The following SLC25A20 variants were observed in gnomAD, a reference collection of about 807,000 sequenced individuals.
SLC25A20 encodes mitochondrial carnitine/acylcarnitine carrier protein.
Under a neutral mutation model 39.7 loss-of-function variants are expected in SLC25A20, and 29 were observed. That is an observed-to-expected ratio of 0.73 (90% CI 0.54 to 1.00). SLC25A20 has a LOEUF of 1.00. Among genes scored for constraint, SLC25A20 ranks in the 50% least tolerant of loss-of-function variants. SLC25A20 has a pLI of 0.00. For synonymous variants in SLC25A20, 103 were observed against 142.2 expected (o/e 0.72, Z 1.96); for missense variants, 333 against 379.9 (o/e 0.88, Z 1.03).
In SLC25A20 at chr3:48,861,254, G is replaced by A. The variant is rs888987578; in HGVS notation, c.535+1288C>T. ...ATTACAAGTGTGAGCCACCATACCC[G>A]GCCCCCACAGATTTCTTGAATGTAG... On this transcript the variant is annotated intron_variant, in intron 5 of 8. Transcript: ENST00000319017. Among the ~76,000 whole-genome samples, 13 of 151,980 alleles carry A rather than the reference G, an allele frequency of 8.6e-5. 1 individual carries two copies. Among genetic ancestry groups the A allele is most frequent in the Non-Finnish European group, 4.4e-5 (3 of 68,008 alleles).
intron 7 of SLC25A20, 71 bp from the exon 8 acceptor site, chr3:48,858,702 A>G: frequency 6.3e-7 from 1 of 1,598,634 alleles, no homozygotes. Flanking sequence ...CTGAAGGGTC[A>G]GGACTAGCAC....
chr3:48,884,673 AC>A (rs983530499), intron 2 of SLC25A20, among the ~76,000 whole-genome samples: 51 of 152,160 alleles, frequency 3.4e-4, no homozygotes, highest in African/African-American at 1.2e-3. Context: ...TATGTAGCAT[AC>A]CCTTTCACCT....
chr3:48,880,886 G>GA (rs2083791127), intron 3 of SLC25A20, among the ~76,000 whole-genome samples: 1 of 152,062 alleles, frequency 6.6e-6, no homozygotes, highest in Non-Finnish European at 1.5e-5. Context: ...TTCTTTCTGG[G>GA]ATTAGCAATA....
At chr3:48,898,442 C>A (rs909989139) in intron 1 of SLC25A20, among the ~76,000 whole-genome samples, 1 of 152,228 alleles carries the variant, frequency 6.6e-6, no homozygotes, top group Non-Finnish European at 1.5e-5. Context: ...GAAGAGACTG[C>A]GGGACAGGGA....
intron 5 of SLC25A20, among the ~76,000 whole-genome samples, chr3:48,860,046 T>C (rs1337224226): frequency 6.6e-6 from 1 of 152,208 alleles, no homozygotes; most frequent in Non-Finnish European, 1.5e-5. Flanking sequence ...CTCATGCCTT[T>C]AATCCCAGCA....
At chr3:48,860,865 G>A (rs946641906) in intron 5 of SLC25A20, among the ~76,000 whole-genome samples, 4 of 139,564 alleles carry the variant, frequency 2.9e-5, no homozygotes, top group Admixed American at 7.6e-5. Flanking sequence ...ACGGAGTCTC[G>A]CTCTCTCGCC....
intron 1 of SLC25A20, among the ~76,000 whole-genome samples, chr3:48,893,239 T>C (rs2083890166): frequency 6.6e-6 from 1 of 152,022 alleles, no homozygotes; most frequent in Admixed American, 6.6e-5. Context: ...TATTGCTCTA[T>C]ATCTAACTTT....
In SLC25A20 at chr3:48,859,104, G is replaced by T. The variant is rs780959390; in HGVS notation, c.706C>A (p.Arg236=). Residue 236 remains arginine, a synonymous_variant, in exon 7 of 9, where the codon CGA becomes AGA. Transcript: ENST00000319017. ...ACCTTCCACTCACCAGTCTGGAATC[G>T]AGACTTGAGCACATCTGGGGGGATT... The part of the protein sequence containing the change: ...VAIPPDVLKS[R]FQTAPPGKYP... The T allele has an allele frequency of 6.2e-7, 1 of 1,613,624 alleles. No individual in the cohort carries two copies. The highest frequency in any genetic ancestry group is 8.5e-7 in the Non-Finnish European group (1 of 1,179,722).
At chr3:48,877,996 C>A (rs1323768946) in intron 4 of SLC25A20, among the ~76,000 whole-genome samples, 1 of 151,996 alleles carries the variant, frequency 6.6e-6, no homozygotes, top group Non-Finnish European at 1.5e-5. Flanking sequence ...GGCGCGGTGG[C>A]TTACGCCTGT....
At chr3:48,877,283 G>A (rs991113491) in intron 4 of SLC25A20, among the ~76,000 whole-genome samples, 9 of 152,004 alleles carry the variant, frequency 5.9e-5, no homozygotes, top group Admixed American at 1.3e-4. Context: ...GCATGGTGGC[G>A]CATGCCTGTA....
chr3:48,860,119 G>A (rs1575978419), intron 5 of SLC25A20, among the ~76,000 whole-genome samples: 2 of 152,028 alleles, frequency 1.3e-5, no homozygotes, highest in East Asian at 3.9e-4. Context: ...TGACCAACAT[G>A]GTGAAACCCC....
chr3:48,868,910 T>A (rs2083691183), intron 4 of SLC25A20, among the ~76,000 whole-genome samples: 1 of 152,184 alleles, frequency 6.6e-6, no homozygotes, highest in South Asian at 2.1e-4. Flanking sequence ...CCCTTCTGTT[T>A]AAAAATAAAT....
At chr3:48,883,887 G>T in intron 3 of SLC25A20, 110 bp downstream of exon 3, 1 of 1,350,782 alleles carries the variant, frequency 7.4e-7, no homozygotes, top group Non-Finnish European at 1.0e-6. Flanking sequence ...GTCTCCCAAA[G>T]TGCTAGGATT....
intron 2 of SLC25A20, among the ~76,000 whole-genome samples, chr3:48,884,495 G>T (rs1357907899): frequency 6.6e-6 from 1 of 151,634 alleles, no homozygotes; most frequent in African/African-American, 2.4e-5. Flanking sequence ...GACTACAGGC[G>T]TGCGCCACCA....
chr3:48,893,635 G>A (rs931781677), intron 1 of SLC25A20, among the ~76,000 whole-genome samples: 1 of 152,074 alleles, frequency 6.6e-6, no homozygotes, highest in African/African-American at 2.4e-5. Context: ...CCAGGCTCAG[G>A]TGATCCTCCC....
At chr3:48,859,472 A>G in intron 6 of SLC25A20, 83 bp downstream of exon 6, 2 of 1,153,688 alleles carry the variant, frequency 1.7e-6, no homozygotes, top group South Asian at 2.5e-5. Flanking sequence ...AACAACAACT[A>G]CTTCTGCTTT....
intron 2 of SLC25A20, 30 bp from the exon 3 acceptor site, chr3:48,884,154 T>C: frequency 6.2e-7 from 1 of 1,612,372 alleles, no homozygotes; most frequent in Non-Finnish European, 8.5e-7. Flanking sequence ...CAGAAGCTGT[T>C]TACAGACACC....
At chr3:48,871,012 C>G (rs1354746414) in intron 4 of SLC25A20, among the ~76,000 whole-genome samples, 1 of 151,064 alleles carries the variant, frequency 6.6e-6, no homozygotes, top group Non-Finnish European at 1.5e-5. Context: ...TTTTATTAGA[C>G]ACGGGGTTTT....
chr3:48,890,699 T>G (rs1425256755), intron 2 of SLC25A20, among the ~76,000 whole-genome samples: 1 of 139,838 alleles, frequency 7.2e-6, no homozygotes. Flanking sequence ...TTGTCGCCCA[T>G]GCTGGAGTGC....
Sources: allele counts gnomAD v4.1 joint callset (sites outside exome capture counted in the v4.1 genomes callset), GRCh38; gene constraint gnomAD v4.1.1; transcripts MANE v1.5; gene names NCBI Gene and HGNC (gene_info 2026-07-23, HGNC 2026-07-21).